Variants in EPHA7 observed in about 807,000 individuals in gnomAD.
EPHA7 encodes EPH receptor A7.
EPHA7 carries 25 observed loss-of-function variants against 112.6 expected under a neutral mutation model. The observed-to-expected ratio is 0.22, with a 90% CI of 0.16 to 0.31. The LOEUF (loss-of-function observed/expected upper bound fraction) is 0.31, where lower values mean the gene tolerates loss of function less well. EPHA7 is among the 10% of genes least tolerant of loss of function. EPHA7 has a pLI of 1.00. For synonymous variants in EPHA7, 437 were observed against 406.5 expected, an observed-to-expected ratio of 1.07 and a Z score of -0.90; for missense variants, 962 against 1,212.6, an observed-to-expected ratio of 0.79 and a Z score of 3.07.
At chr6:93,415,886 CAA>C (rs1779197139) in intron 1 of EPHA7, among the ~76,000 whole-genome samples, 1 of 151,950 alleles carries the variant, frequency 6.6e-6, no homozygotes, top group African/African-American at 2.4e-5. Context: ...ATTTGAAAGA[CAA>C]AAATGTGTTA....
intron 5 of EPHA7, among the ~76,000 whole-genome samples, chr6:93,301,901 C>A (rs914357013): frequency 6.6e-6 from 1 of 152,144 alleles, no homozygotes; most frequent in Non-Finnish European, 1.5e-5. Context: ...TAACCACATG[C>A]CTTACTCTAT....
rs142354335 is a variant in EPHA7 at position 93,245,149 on chromosome 6, G to C, written c.2882+149C>G. 1.3e-3 allele frequency: 861 copies of C among 673,520 alleles called. 5 individuals carry two copies. The African/African-American group carries it at 0.014, about 11-fold the overall frequency. The allele number at this position is 673,520 out of a possible 1,614,324, so 41.7% of individuals were successfully genotyped here. On this transcript the variant is annotated intron_variant, in intron 16 of 16. Transcript: ENST00000369303. Reference sequence around the variant, plus strand: ...TAAAGGTCTATTTAGTATAATGCCTGGTACGCAGTAAGAACTTGTTAAAGA... The same window carrying C: ...TAAAGGTCTATTTAGTATAATGCCTCGTACGCAGTAAGAACTTGTTAAAGA...
chr6:93,338,651 C>T, intron 5 of EPHA7, among the ~76,000 whole-genome samples: 1 of 151,882 alleles, frequency 6.6e-6, no homozygotes, highest in South Asian at 2.1e-4. Context: ...GGTTATTTTT[C>T]ATTCTTTTAT....
intron 6 of EPHA7, 23 bp from the exon 7 acceptor site, chr6:93,269,683 A>C: frequency 1.3e-6 from 2 of 1,485,426 alleles, no homozygotes; most frequent in Non-Finnish European, 1.8e-6. Context: ...TTTAGAGGAA[A>C]TATTTAATTG....
In EPHA7 at chr6:93,410,559, C is replaced by T. The variant is rs768441444; in HGVS notation, c.774G>A (p.Val258=). The T allele has an allele frequency of 1.2e-6, 2 of 1,614,024 alleles. No individual in the cohort carries two copies. The highest frequency in any genetic ancestry group is 1.7e-6 in the Non-Finnish European group (2 of 1,179,936). The change falls in exon 3 of 17, where the codon GTG becomes GTA. Residue 258 remains valine (V), a synonymous_variant. Coordinates refer to ENST00000369303, the MANE Select transcript of EPHA7 (RefSeq NM_004440.4). The surrounding 1 kb of genome is among the most constrained non-coding windows in gnomAD (Gnocchi z 4.0). ...CTTTGCAGATACATTTTCCAATGGG[C>T]ACTAACCATTCTCCTTCTGCACTGC... is the stretch of plus-strand genomic sequence containing the variant. ...MHCSAEGEWL[V]PIGKCICKAG...
intron 5 of EPHA7, among the ~76,000 whole-genome samples, chr6:93,296,117 T>C (rs1772649867): frequency 6.6e-6 from 1 of 151,730 alleles, no homozygotes; most frequent in African/African-American, 2.4e-5. Context: ...GTTTTCTATA[T>C]AAAACCTTAT....
In EPHA7 at chr6:93,291,582, A is replaced by C. The variant is rs964417271; in HGVS notation, c.1325-19160T>G. 1.8e-4 allele frequency among the ~76,000 whole-genome samples: 27 copies of C among 149,998 alleles called. No homozygotes were observed. In the East Asian group the frequency reaches 2.6e-3, roughly 14 times the overall value. ...AGGAGATCGAGACCATCCCGGCTAA[A>C]ACGGTGAAACCCCGTCTCTACTAAA... On this transcript the variant is annotated intron_variant, in intron 5 of 16. Transcript: ENST00000369303.
At chr6:93,373,587 TTA>T (rs1776908618) in intron 3 of EPHA7, among the ~76,000 whole-genome samples, 1 of 152,094 alleles carries the variant, frequency 6.6e-6, no homozygotes, top group African/African-American at 2.4e-5. Context: ...TGCCAGTTGT[TTA>T]CCATATAGGA....
At chr6:93,397,035 T>A (rs1467567311) in intron 3 of EPHA7, among the ~76,000 whole-genome samples, 1 of 151,750 alleles carries the variant, frequency 6.6e-6, no homozygotes, top group African/African-American at 2.4e-5. Flanking sequence ...GAGAACATTA[T>A]CAAATTATAG....
rs1329063668 is a variant in EPHA7 at position 93,249,474 on chromosome 6, T to C, written c.2533-2489A>G. 2.0e-5 allele frequency among the ~76,000 whole-genome samples: 3 copies of C among 152,142 alleles called. No homozygotes were observed. The East Asian group carries it at 5.8e-4, about 29-fold the overall frequency. ...GCTGGGAATAAATAAACTAATAACT[T>C]CTGAAATTTTATATATTCAAAATGA... is the stretch of plus-strand genomic sequence containing the variant. On this transcript the variant is annotated intron_variant, in intron 14 of 16. Coordinates refer to ENST00000369303, the MANE Select transcript of EPHA7 (RefSeq NM_004440.4).
At chr6:93,379,142 T>A (rs1269560957) in intron 3 of EPHA7, among the ~76,000 whole-genome samples, 1 of 152,100 alleles carries the variant, frequency 6.6e-6, no homozygotes, top group African/African-American at 2.4e-5. Flanking sequence ...ATGGGATAGT[T>A]GGCACTATGA....
intron 3 of EPHA7, among the ~76,000 whole-genome samples, chr6:93,384,350 A>T (rs541318369): frequency 3.3e-5 from 5 of 152,110 alleles, no homozygotes; most frequent in Non-Finnish European, 5.9e-5. Flanking sequence ...TATCTAGTTC[A>T]GTATTCAGTA....
chr6:93,272,623 T>C (rs1217650926), intron 5 of EPHA7, among the ~76,000 whole-genome samples: 1 of 151,862 alleles, frequency 6.6e-6, no homozygotes, highest in Non-Finnish European at 1.5e-5. Context: ...AAATTTAAAT[T>C]AAAGTGCAAA....
At chr6:93,372,311 C>T (rs776940382) in intron 3 of EPHA7, among the ~76,000 whole-genome samples, 1 of 152,060 alleles carries the variant, frequency 6.6e-6, no homozygotes, top group Non-Finnish European at 1.5e-5. Flanking sequence ...AAGGGTAATA[C>T]TTGCCAAATA....
In EPHA7 at chr6:93,241,149, G is replaced by A. The variant is rs867292170; in HGVS notation, c.*2277C>T. 9.7e-6 allele frequency: 2 copies of A among 206,634 alleles called. No individual in the cohort carries two copies. The highest frequency in any genetic ancestry group is 2.0e-5 in the Non-Finnish European group (2 of 101,228). 12.8% of individuals were successfully genotyped at this position (206,634 alleles called of 1,614,324 possible). ...GCTAGAAAAAAGCAGGAAAGACACC[G>A]TTTGCATGTACCATACTATGTCTTC... On this transcript the variant is annotated 3_prime_UTR_variant, in exon 17 of 17. Coordinates refer to ENST00000369303, the MANE Select transcript of EPHA7 (RefSeq NM_004440.4).
At chr6:93,346,202 A>G (rs904805001) in intron 5 of EPHA7, among the ~76,000 whole-genome samples, 4 of 151,762 alleles carry the variant, frequency 2.6e-5, no homozygotes, top group Non-Finnish European at 5.9e-5. Flanking sequence ...ATTATTACCA[A>G]TTCATATTAT....
intron 3 of EPHA7, among the ~76,000 whole-genome samples, chr6:93,363,993 C>G (rs77024376): frequency 0.047 from 7,081 of 152,126 alleles, 259 homozygotes; most frequent in South Asian, 0.086. Context: ...CCTAAATAGG[C>G]AAATCTATAG....
chr6:93,335,555 C>T (rs919474621), intron 5 of EPHA7, among the ~76,000 whole-genome samples: 5 of 151,884 alleles, frequency 3.3e-5, no homozygotes, highest in African/African-American at 1.2e-4. Flanking sequence ...AGAAGGGAGA[C>T]CACCAGCAAA....
rs748874717 is a variant in EPHA7, at chr6:93,258,302, GC to G, written c.1925-19del. ...GAATTCTCCTGAAGTAACAGAACAA[GC>G]AGGCATATTTTAGTTTCTAAATATT... is the stretch of plus-strand genomic sequence containing the variant. On this transcript the variant is annotated intron_variant, in intron 10 of 16. Transcript: ENST00000369303. 1.3e-6 allele frequency: 2 copies of G among 1,527,652 alleles called. No individual in the cohort carries two copies. The highest frequency in any genetic ancestry group is 2.7e-5 in the South Asian group (2 of 74,936). 94.6% of individuals were successfully genotyped at this position (1,527,652 alleles called of 1,614,324 possible). A position where few individuals can be genotyped will look rare whatever the true frequency, so the allele number is the denominator to read the frequency against.
Sources: gnomAD v4.1 joint callset for allele counts (sites outside exome capture counted in the v4.1 genomes callset) on GRCh38, gnomAD v4.1.1 for gene constraint, Gnocchi (gnomAD v3.1) non-coding constraint, MANE v1.5 for transcripts, NCBI Gene and HGNC (gene_info 2026-07-23, HGNC 2026-07-21) for gene names.